The following CTNNA2 variants were observed in gnomAD, a reference collection of about 807,000 sequenced individuals.
CTNNA2 encodes the protein catenin alpha-2.
Under a neutral mutation model 101.0 loss-of-function variants are expected in CTNNA2, and 42 were observed. That is an observed-to-expected ratio of 0.42 (90% CI 0.32 to 0.54). The LOEUF (loss-of-function observed/expected upper bound fraction) is 0.54. CTNNA2 is among the 20% of genes least tolerant of loss of function. CTNNA2 has a pLI of 0.14. For missense variants in CTNNA2, 871 were observed against 1,223.1 expected, an observed-to-expected ratio of 0.71 and a Z score of 4.29; for synonymous variants, 450 against 456.4, an observed-to-expected ratio of 0.99 and a Z score of 0.18.
intron 7 of CTNNA2, among the ~76,000 whole-genome samples, chr2:80,009,577 A>G (rs1392799015): frequency 6.6e-6 from 1 of 152,150 alleles, no homozygotes. Context: ...ACATTCACAC[A>G]TATACGCTTT....
intron 7 of CTNNA2, among the ~76,000 whole-genome samples, chr2:80,115,564 A>G (rs990909410): frequency 1.1e-4 from 16 of 152,170 alleles, no homozygotes; most frequent in African/African-American, 3.9e-4. Context: ...GCAAGTTGAC[A>G]ATCTTAAAGC....
intron 7 of CTNNA2, among the ~76,000 whole-genome samples, chr2:80,046,772 C>T (rs1049132980): frequency 1.3e-5 from 2 of 152,170 alleles, no homozygotes; most frequent in Non-Finnish European, 2.9e-5. Context: ...ACAGGATGTA[C>T]ATTTTCTGCC....
intron 7 of CTNNA2, among the ~76,000 whole-genome samples, chr2:80,241,627 C>CTATCT (rs1553475017): frequency 7.8e-4 from 116 of 148,580 alleles, no homozygotes; most frequent in African/African-American, 2.6e-3. Context: ...ATCTATCTAT[C>CTATCT]ATCTTTGTTA....
intron 12 of CTNNA2, among the ~76,000 whole-genome samples, chr2:80,573,657 C>T (rs757701917): frequency 1.3e-5 from 2 of 152,178 alleles, no homozygotes; most frequent in Non-Finnish European, 2.9e-5. Flanking sequence ...CCAGCTATGA[C>T]TGTAACATCC....
intron 2 of CTNNA2, among the ~76,000 whole-genome samples, chr2:79,204,791 T>C (rs2049271): frequency 0.36 from 55,325 of 152,072 alleles, 10,618 homozygotes; most frequent in Middle Eastern, 0.47. Context: ...AGAAAAGAAA[T>C]GCTACGTTCT....
chr2:79,837,783 T>C (rs1426048556), intron 3 of CTNNA2, among the ~76,000 whole-genome samples: 1 of 152,120 alleles, frequency 6.6e-6, no homozygotes, highest in East Asian at 1.9e-4. Context: ...TTGGAAATGT[T>C]TTTCAACATT....
intron 1 of CTNNA2, among the ~76,000 whole-genome samples, chr2:79,568,170 A>T (rs970419943): frequency 5.9e-5 from 9 of 152,206 alleles, no homozygotes; most frequent in African/African-American, 2.2e-4. Context: ...TGTCTGGCAC[A>T]TCGTAAGTGC....
At chr2:80,500,120 A>G (rs543553822) in intron 9 of CTNNA2, among the ~76,000 whole-genome samples, 1 of 152,314 alleles carries the variant, frequency 6.6e-6, no homozygotes, top group Non-Finnish European at 1.5e-5. Context: ...CTTACAAATC[A>G]TAGCATTTAG....
intron 3 of CTNNA2, among the ~76,000 whole-genome samples, chr2:79,362,089 A>G (rs1211323669): frequency 6.6e-6 from 1 of 152,196 alleles, no homozygotes; most frequent in South Asian, 2.1e-4. Flanking sequence ...TGGTCAGCAA[A>G]TGTCCCATCT....
chr2:80,608,953 A>G (rs1698244011), intron 17 of CTNNA2, among the ~76,000 whole-genome samples: 1 of 151,978 alleles, frequency 6.6e-6, no homozygotes, highest in East Asian at 1.9e-4. Flanking sequence ...AAATGCATAG[A>G]AATAAGTTCA....
At chr2:80,304,231 C>T (rs1406738999) in intron 7 of CTNNA2, 1 of 158,812 alleles carries the variant, frequency 6.3e-6, no homozygotes, top group African/African-American at 2.4e-5. Flanking sequence ...AGAGAAGACC[C>T]CTCTGTGTTT....
At chr2:79,555,615 A>G (rs1674394671) in intron 1 of CTNNA2, among the ~76,000 whole-genome samples, 1 of 152,170 alleles carries the variant, frequency 6.6e-6, no homozygotes, top group Admixed American at 6.6e-5. Context: ...TTTATAGTGA[A>G]CTGAATTCTG....
intron 7 of CTNNA2, among the ~76,000 whole-genome samples, chr2:80,085,517 A>G (rs17018606): frequency 0.29 from 44,316 of 151,962 alleles, 7,234 homozygotes; most frequent in East Asian, 0.58. Context: ...AATAAGGCCA[A>G]TGGTGGTGCA....
intron 2 of CTNNA2, among the ~76,000 whole-genome samples, chr2:79,261,228 C>T (rs1204195321): frequency 2.0e-5 from 3 of 152,174 alleles, no homozygotes; most frequent in Non-Finnish European, 4.4e-5. Context: ...CATCCATACT[C>T]CCAGTCTCAC....
intron 1 of CTNNA2, chr2:79,195,775 A>G: frequency 2.0e-6 from 1 of 502,308 alleles, no homozygotes; most frequent in East Asian, 5.7e-5. Context: ...AAGTTTTATC[A>G]TCTCAGAATC....
At chr2:79,914,936 T>A (rs1208994123) in intron 7 of CTNNA2, among the ~76,000 whole-genome samples, 1 of 151,866 alleles carries the variant, frequency 6.6e-6, no homozygotes, top group Non-Finnish European at 1.5e-5. Flanking sequence ...ATAGCCTTTG[T>A]TAGAGAGTAG....
intron 9 of CTNNA2, among the ~76,000 whole-genome samples, chr2:80,476,681 A>T (rs547159066): frequency 6.6e-6 from 1 of 152,254 alleles, no homozygotes; most frequent in East Asian, 1.9e-4. Context: ...GGGTTTACTG[A>T]CAACACCACA....
intron 4 of CTNNA2, among the ~76,000 whole-genome samples, chr2:79,483,013 G>C (rs1038474197): frequency 6.6e-6 from 1 of 152,176 alleles, no homozygotes; most frequent in Non-Finnish European, 1.5e-5. Flanking sequence ...ACCTGAGCTG[G>C]TGCATGCTGG....
chr2:79,892,683 C>A (rs1327176384), intron 6 of CTNNA2, among the ~76,000 whole-genome samples: 1 of 152,144 alleles, frequency 6.6e-6, no homozygotes, highest in Non-Finnish European at 1.5e-5. Flanking sequence ...ATAATCCATT[C>A]ATTTCTGAAG....
Sources: allele counts gnomAD v4.1 joint callset (sites outside exome capture counted in the v4.1 genomes callset), GRCh38; gene constraint gnomAD v4.1.1; transcripts MANE v1.5; gene names NCBI Gene and HGNC (gene_info 2026-07-23, HGNC 2026-07-21).